The following CD274 variants were observed in gnomAD, a reference collection of about 807,000 sequenced individuals.
CD274 encodes programmed cell death 1 ligand 1.
Under a neutral mutation model 30.1 loss-of-function variants are expected in CD274, and 8 were observed. The ratio of observed to expected loss-of-function variants is 0.27; its 90% CI spans 0.16 to 0.48. The LOEUF is 0.48. CD274 is among the 20% of genes least tolerant of loss of function. The probability of loss-of-function intolerance (pLI) is 0.99; values close to 1 mark genes in which losing one functional copy is unlikely to be tolerated. For synonymous variants in CD274, 152 were observed against 124.6 expected (o/e 1.22, Z -1.46); for missense variants, 353 against 346.6 (o/e 1.02, Z -0.15).
In CD274 at chr9:5,468,166, T is replaced by G; in HGVS notation, c.*304T>G. On this transcript the variant is annotated 3_prime_UTR_variant, in exon 7 of 7. Transcript: ENST00000381577. ...AAGGAGCCTCCAAGCAAATCATCCA[T>G]TGCTCATCCTAGGAAGACGGGTTGA... 1 of 425,250 alleles carries G rather than the reference T, an allele frequency of 2.4e-6. No individual in the cohort carries two copies. The highest frequency in any genetic ancestry group is 4.2e-6 in the Non-Finnish European group (1 of 236,742). 26.3% of individuals were successfully genotyped at this position (425,250 alleles called of 1,614,324 possible). A position where few individuals can be genotyped will look rare whatever the true frequency, so the allele number is the denominator to read the frequency against.
At chr9:5,464,713 T>C (rs1819467023) in intron 4 of CD274, among the ~76,000 whole-genome samples, 1 of 152,218 alleles carries the variant, frequency 6.6e-6, no homozygotes, top group Non-Finnish European at 1.5e-5. Flanking sequence ...GGGAGCTCCT[T>C]AGCAGTGCTG....
Position 5,468,801 on chromosome 9 carries a change from C to T in CD274, c.*939C>T. 4.3e-6 allele frequency: 1 copy of T among 233,096 alleles called. No homozygotes were observed. Among genetic ancestry groups the T allele is most frequent in the Non-Finnish European group, 8.5e-6 (1 of 117,916 alleles). The allele number at this position is 233,096 out of a possible 1,614,324, so 14.4% of individuals were successfully genotyped here. A position where few individuals can be genotyped will look rare whatever the true frequency, so the allele number is the denominator to read the frequency against. ...GTAAATAGCAGACCTCAGACTGCCA[C>T]CCACTGTCCTTTTATAATACAATTT... is the stretch of plus-strand genomic sequence containing the variant. On this transcript the variant is annotated 3_prime_UTR_variant, in exon 7 of 7. Transcript: ENST00000381577.
rs1193275005 is a variant in CD274, at chr9:5,469,283, T to C, written c.*1421T>C. The C allele has an allele frequency of 4.3e-6, 1 of 232,784 alleles. No homozygotes were observed. The highest frequency in any genetic ancestry group is 8.5e-6 in the Non-Finnish European group (1 of 117,870). 14.4% of individuals were successfully genotyped at this position (232,784 alleles called of 1,614,324 possible). Reference sequence around the variant, plus strand: ...CTGGTATTGTTTAACAGTTCTGTCTTTTCTATTTAAATGCCACTAAATTTT... The same window carrying C: ...CTGGTATTGTTTAACAGTTCTGTCTCTTCTATTTAAATGCCACTAAATTTT... On this transcript the variant is annotated 3_prime_UTR_variant, in exon 7 of 7. Transcript: ENST00000381577.
At chr9:5,463,196 T>C in intron 4 of CD274, 75 bp downstream of exon 4, 2 of 1,125,660 alleles carry the variant, frequency 1.8e-6, no homozygotes, top group South Asian at 1.4e-5. Context: ...CTGCCTATCA[T>C]AGTCATTCAG....
At chr9:5,462,367 T>G (rs1448728776) in intron 3 of CD274, among the ~76,000 whole-genome samples, 1 of 152,134 alleles carries the variant, frequency 6.6e-6, no homozygotes, top group African/African-American at 2.4e-5. Flanking sequence ...AGAATAAATT[T>G]AAGAAGAAGC....
rs1486624198 is a variant in CD274 at position 5,468,007 on chromosome 9, G to C, written c.*145G>C. The C allele has an allele frequency of 2.1e-5, 15 of 699,172 alleles. No homozygotes were observed. The highest frequency in any genetic ancestry group is 3.9e-5 in the Non-Finnish European group (15 of 388,990). The allele number at this position is 699,172 out of a possible 1,614,324, so 43.3% of individuals were successfully genotyped here. A position where few individuals can be genotyped will look rare whatever the true frequency, so the allele number is the denominator to read the frequency against. Reference sequence around the variant, plus strand: ...TTAAAAGGCCCAAGCACTGAAAATGGAACCTGGCGAAAGCAGAGGAGGAGA... The same window carrying C: ...TTAAAAGGCCCAAGCACTGAAAATGCAACCTGGCGAAAGCAGAGGAGGAGA... On this transcript the variant is annotated 3_prime_UTR_variant, in exon 7 of 7. Coordinates refer to ENST00000381577, the MANE Select transcript of CD274 (RefSeq NM_014143.4).
chr9:5,458,198 A>G (rs1454053276), intron 3 of CD274, among the ~76,000 whole-genome samples: 9 of 152,250 alleles, frequency 5.9e-5, no homozygotes. Context: ...AGCTAAGTAA[A>G]GGAAAACACC....
At position 5,457,298 on chromosome 9, in the gene CD274, A is replaced by G. The variant is rs573705392; in HGVS notation, c.272A>G (p.Gln91Arg). 100 of 1,614,090 alleles carry G rather than the reference A, an allele frequency of 6.2e-5. 1 individual carries two copies. In the South Asian group the frequency reaches 7.0e-4, roughly 11 times the overall value. ...CAGAGGGCCCGGCTGTTGAAGGACCAGCTCTCCCTGGGAAATGCTGCACTT... is the reference window on the plus strand; with the variant it reads ...CAGAGGGCCCGGCTGTTGAAGGACCGGCTCTCCCTGGGAAATGCTGCACTT... ...YRQRARLLKD[Q>R]LSLGNAALQI... Residue 91 changes from glutamine to arginine, a missense_variant, in exon 3 of 7, where the codon CAG becomes CGG. By Grantham distance (43) the Gln-to-Arg change is conservative. Coordinates refer to ENST00000381577, the MANE Select transcript of CD274 (RefSeq NM_014143.4).
chr9:5,459,100 C>T (rs1819358339), intron 3 of CD274, among the ~76,000 whole-genome samples: 1 of 152,170 alleles, frequency 6.6e-6, no homozygotes, highest in Non-Finnish European at 1.5e-5. Context: ...TCCATAATAT[C>T]CCTTGTGTAT....
Position 5,462,395 on chromosome 9 carries a change from A to G in CD274, c.395-439A>G, listed in dbSNP as rs1372605799. 2.6e-5 allele frequency among the ~76,000 whole-genome samples: 4 copies of G among 152,364 alleles called. No individual in the cohort carries two copies. The East Asian group carries it at 7.7e-4, about 29-fold the overall frequency. On this transcript the variant is annotated intron_variant, in intron 3 of 6. Transcript: ENST00000381577. Reference sequence around the variant, plus strand: ...GAAGAAGCACTTTACTGAGAAACATATGAAAACCTGAACAAATGGAGAGGG... The same window carrying G: ...GAAGAAGCACTTTACTGAGAAACATGTGAAAACCTGAACAAATGGAGAGGG...
intron 4 of CD274, among the ~76,000 whole-genome samples, chr9:5,464,376 AC>A (rs1386402365): frequency 6.6e-6 from 1 of 152,092 alleles, no homozygotes; most frequent in Non-Finnish European, 1.5e-5. Flanking sequence ...CTGAAATAAA[AC>A]ATACGTGAAC....
At chr9:5,457,685 C>T (rs528514005) in intron 3 of CD274, among the ~76,000 whole-genome samples, 1 of 152,268 alleles carries the variant, frequency 6.6e-6, no homozygotes, top group African/African-American at 2.4e-5. Flanking sequence ...CTAGTCTTTA[C>T]TTTTTTATTA....
chr9:5,460,255 A>G (rs1048533777), intron 3 of CD274, among the ~76,000 whole-genome samples: 1 of 152,172 alleles, frequency 6.6e-6, no homozygotes, highest in African/African-American at 2.4e-5. Context: ...AGCAGCTTCT[A>G]AAGGGTACAC....
chr9:5,456,609 C>G (rs1819308218), intron 2 of CD274, among the ~76,000 whole-genome samples: 1 of 152,238 alleles, frequency 6.6e-6, no homozygotes. Context: ...TGGCATCACC[C>G]TGTGCTCTTT....
chr9:5,454,728 A>G (rs1048923468), intron 1 of CD274, among the ~76,000 whole-genome samples: 1 of 152,178 alleles, frequency 6.6e-6, no homozygotes, highest in African/African-American at 2.4e-5. Context: ...CGATTGTAAT[A>G]GGAAGTATCA....
In CD274 at chr9:5,457,107, A is replaced by G. The variant is rs778904577; in HGVS notation, c.81A>G (p.Leu27=). 131 of 1,613,028 alleles carry G rather than the reference A, an allele frequency of 8.1e-5. No individual in the cohort carries two copies. The highest frequency in any genetic ancestry group is 1.0e-4 in the Non-Finnish European group (119 of 1,179,160). ...NAFTVTVPKD[L]YVVEYGSNMT... The stretch of plus-strand genomic sequence containing the variant: ...TTACTGTCACGGTTCCCAAGGACCT[A>G]TATGTGGTAGAGTATGGTAGCAATA... The change falls in exon 3 of 7, where the codon CTA becomes CTG. Residue 27 remains leucine, a synonymous_variant. Coordinates refer to ENST00000381577, the MANE Select transcript of CD274 (RefSeq NM_014143.4).
intron 3 of CD274, 37 bp from the exon 4 acceptor site, chr9:5,462,797 C>A (rs2131222566): frequency 6.3e-7 from 1 of 1,590,396 alleles, no homozygotes; most frequent in South Asian, 1.1e-5. Flanking sequence ...GTTCTGTGCT[C>A]AGCAAAAGCC....
Position 5,468,512 on chromosome 9 carries a change from T to C in CD274, c.*650T>C, listed in dbSNP as rs935940541. The C allele has an allele frequency of 4.3e-6, 1 of 232,924 alleles. No individual in the cohort carries two copies. Among genetic ancestry groups the C allele is most frequent in the African/African-American group, 2.2e-5 (1 of 45,330 alleles). 14.4% of individuals were successfully genotyped at this position (232,924 alleles called of 1,614,324 possible). On this transcript the variant is annotated 3_prime_UTR_variant, in exon 7 of 7. Coordinates refer to ENST00000381577, the MANE Select transcript of CD274 (RefSeq NM_014143.4). ...TCTCCTCTATAACTACAAGTATACA[T>C]TGGAAGCATAAAGATCAAACCGTTG...
intron 6 of CD274, 127 bp from the exon 7 acceptor site, chr9:5,467,713 C>T (rs949039559): frequency 3.6e-6 from 3 of 842,408 alleles, no homozygotes; most frequent in African/African-American, 3.4e-5. Flanking sequence ...TAACCTGCTG[C>T]TTTCTCTCAT....
Sources: gnomAD v4.1 joint callset for allele counts (sites outside exome capture counted in the v4.1 genomes callset) on GRCh38, gnomAD v4.1.1 for gene constraint, MANE v1.5 for transcripts, NCBI Gene and HGNC (gene_info 2026-07-23, HGNC 2026-07-21) for gene names.